Variants in LRRC27 observed in about 807,000 individuals in gnomAD.
LRRC27 encodes the protein leucine rich repeat containing 27, also known as leucine-rich repeat-containing protein 27.
In LRRC27, 57 loss-of-function variants were observed where a neutral mutation model predicts 55.0. The observed-to-expected ratio is 1.04, with a 90% CI of 0.84 to 1.29. The LOEUF (loss-of-function observed/expected upper bound fraction) is 1.29. Among genes scored for constraint, LRRC27 ranks in the 50% most tolerant of loss-of-function variants. The probability of loss-of-function intolerance (pLI) is 0.00; values close to 1 mark genes in which losing one functional copy is unlikely to be tolerated. For synonymous variants in LRRC27, 278 were observed against 251.9 expected (o/e 1.10, Z -0.98); for missense variants, 721 against 651.5 (o/e 1.11, Z -1.16).
At chr10:132,337,846 C>A in intron 3 of LRRC27, 151 bp downstream of exon 3, 1 of 832,196 alleles carries the variant, frequency 1.2e-6, no homozygotes, top group Non-Finnish European at 1.8e-6. Flanking sequence ...GAGGTTGCGA[C>A]GGCTGAATGT....
At chr10:132,356,044 G>GGTGTGGGTGGGTGCTCAC (rs2068296823) in intron 8 of LRRC27, among the ~76,000 whole-genome samples, 158 bp downstream of exon 8, 9 of 152,252 alleles carry the variant, frequency 5.9e-5, no homozygotes, top group Non-Finnish European at 7.4e-5. Flanking sequence ...GAGACTTGGG[G>GGTGTGGGTGGGTGCTCAC]AGGAAGCTGC....
At position 132,374,891 on chromosome 10, in the gene LRRC27, C is replaced by T. The variant is rs371928980; in HGVS notation, c.1417-175C>T. On this transcript the variant is annotated intron_variant, in intron 10 of 10. Transcript: ENST00000368614. The surrounding 1 kb of genome is among the most constrained non-coding windows in gnomAD (Gnocchi z 4.4). ...GCCGGCTGGAAGTAGGCTGCTGGGCCCCATTGCAGGGGGGACCGCGCCGTG... is the reference window on the plus strand; with the variant it reads ...GCCGGCTGGAAGTAGGCTGCTGGGCTCCATTGCAGGGGGGACCGCGCCGTG... Among the ~76,000 whole-genome samples the T allele has an allele frequency of 4.6e-5, 7 of 152,184 alleles. No homozygotes were observed. Among genetic ancestry groups the T allele is most frequent in the African/African-American group, 1.7e-4 (7 of 41,444 alleles).
At chr10:132,368,681 C>T (rs369847847) in intron 10 of LRRC27, among the ~76,000 whole-genome samples, 1 of 152,080 alleles carries the variant, frequency 6.6e-6, no homozygotes, top group Non-Finnish European at 1.5e-5. Flanking sequence ...CTAAACGTAA[C>T]GTGTTACCGT....
intron 9 of LRRC27, 98 bp from the exon 10 acceptor site, chr10:132,365,326 G>C: frequency 1.3e-6 from 2 of 1,527,630 alleles, no homozygotes; most frequent in Non-Finnish European, 1.8e-6. Flanking sequence ...GTTTGGTCTG[G>C]GAAGAAAGGC....
At position 132,334,099 on chromosome 10, in the gene LRRC27, C is replaced by G. The variant is rs12255267; in HGVS notation, c.210+365C>G. On this transcript the variant is annotated intron_variant, in intron 2 of 10. Transcript: ENST00000368614. Reference sequence around the variant, plus strand: ...AGCAGTTAAAAACTTTGTTCTCACCCATGATTTTGCTCATGTTACACACTG... The same window carrying G: ...AGCAGTTAAAAACTTTGTTCTCACCGATGATTTTGCTCATGTTACACACTG... 9.4e-3 allele frequency among the ~76,000 whole-genome samples: 1,434 copies of G among 152,294 alleles called. 28 individuals carry two copies. The highest frequency in any genetic ancestry group is 0.032 in the African/African-American group (1,348 of 41,540).
chr10:132,371,230 C>T (rs1312332890), intron 10 of LRRC27, among the ~76,000 whole-genome samples: 1 of 152,196 alleles, frequency 6.6e-6, no homozygotes, highest in African/African-American at 2.4e-5. Flanking sequence ...GTCGGGAGCA[C>T]CCCCCCATGC....
chr10:132,360,676 G>A (rs1241584274), intron 8 of LRRC27, among the ~76,000 whole-genome samples: 3 of 152,226 alleles, frequency 2.0e-5, no homozygotes, highest in African/African-American at 7.2e-5. Flanking sequence ...CCCCGGCCTG[G>A]AAATACATTT....
At chr10:132,368,521 G>T (rs1455758192) in intron 10 of LRRC27, among the ~76,000 whole-genome samples, 1 of 152,184 alleles carries the variant, frequency 6.6e-6, no homozygotes, top group Admixed American at 6.5e-5. Context: ...AGTTAACTGA[G>T]TTAACTGATA....
At chr10:132,349,009 A>G (rs773079761) in intron 6 of LRRC27, 25 of 1,611,526 alleles carry the variant, frequency 1.6e-5, no homozygotes, top group Non-Finnish European at 2.0e-5. Flanking sequence ...ACATGAGAGA[A>G]AAACTCGAAT....
At position 132,380,353 on chromosome 10, in the gene LRRC27, A is replaced by G. The variant is rs1289815956; in HGVS notation, c.*5111A>G. On this transcript the variant is annotated 3_prime_UTR_variant, in exon 11 of 11. Coordinates refer to ENST00000368614, the MANE Select transcript of LRRC27 (RefSeq NM_030626.3). ...CTGCATGAAATTAACTGCAGTCCAC[A>G]GTGTGCTGCTGGAATAATTACAAAG... is the stretch of plus-strand genomic sequence containing the variant. Among the ~76,000 whole-genome samples the G allele has an allele frequency of 1.3e-5, 2 of 152,002 alleles. No homozygotes were observed. The highest frequency in any genetic ancestry group is 4.8e-5 in the African/African-American group (2 of 41,358).
At chr10:132,373,080 GTC>G (rs928977130) in intron 10 of LRRC27, among the ~76,000 whole-genome samples, 4 of 152,206 alleles carry the variant, frequency 2.6e-5, no homozygotes, top group Admixed American at 2.6e-4. Context: ...GAATAGACAA[GTC>G]TGCTGCCATG....
intron 6 of LRRC27, chr10:132,350,385 G>A (rs918127372): frequency 6.6e-6 from 1 of 152,242 alleles, no homozygotes; most frequent in Non-Finnish European, 1.5e-5. Flanking sequence ...ACCACAAGGG[G>A]AAGCCTGGTG....
rs1186530993 is a variant in LRRC27 at position 132,352,720 on chromosome 10, G to A, written c.1073+967G>A. Among the ~76,000 whole-genome samples the A allele has an allele frequency of 3.3e-5, 5 of 151,616 alleles. No individual in the cohort carries two copies. The South Asian group carries it at 8.3e-4, about 25-fold the overall frequency. On this transcript the variant is annotated intron_variant, in intron 7 of 10. Transcript: ENST00000368614. ...GTGCAGCGCTCGTGGTCTGCAGGGC[G>A]TTGCGTGCATGGGCTCCCTTGTTTG... is the stretch of plus-strand genomic sequence containing the variant.
chr10:132,360,296 A>G (rs1217160579), intron 8 of LRRC27, among the ~76,000 whole-genome samples: 1 of 152,188 alleles, frequency 6.6e-6, no homozygotes, highest in Non-Finnish European at 1.5e-5. Flanking sequence ...AGGTTTCGCC[A>G]TGTTGGCCAG....
rs573054353 is a variant in LRRC27 at position 132,340,823 on chromosome 10, A to T, written c.342-1390A>T. Among the ~76,000 whole-genome samples, 35 of 150,728 alleles carry T rather than the reference A, an allele frequency of 2.3e-4. No individual in the cohort carries two copies. The South Asian group carries it at 4.6e-3, about 20-fold the overall frequency. On this transcript the variant is annotated intron_variant, in intron 3 of 10. Transcript: ENST00000368614. ...TACTAAAAAAAAAAAGTACAAAAAA[A>T]TTAGCCAAGATCACACCACTGCACT...
chr10:132,343,846 C>A (rs1226750800), intron 4 of LRRC27, among the ~76,000 whole-genome samples: 1 of 152,242 alleles, frequency 6.6e-6, no homozygotes, highest in Non-Finnish European at 1.5e-5. Flanking sequence ...GCTCCTCATT[C>A]CGGGGACTTC....
chr10:132,338,983 G>A (rs2067261577), intron 3 of LRRC27, among the ~76,000 whole-genome samples: 3 of 152,142 alleles, frequency 2.0e-5, no homozygotes, highest in Admixed American at 1.3e-4. Flanking sequence ...GTGCTGGGAT[G>A]ACAGGCATGA....
intron 9 of LRRC27, 44 bp from the exon 10 acceptor site, chr10:132,365,380 G>A: frequency 1.9e-6 from 3 of 1,608,856 alleles, no homozygotes; most frequent in African/African-American, 2.7e-5. Context: ...TAGGATGAGA[G>A]TAAATGTGTC....
In LRRC27 at chr10:132,364,574, CACCCT is replaced by C. The variant is rs1354019869; in HGVS notation, c.1290-849_1290-845del. The stretch of plus-strand genomic sequence containing the variant: ...ACACCCACACTTACACCCACGTCCA[CACCCT>C]GGGGCCCCACACTCAGGCAGTCCGC... On this transcript the variant is annotated intron_variant, in intron 9 of 10. Coordinates refer to ENST00000368614, the MANE Select transcript of LRRC27 (RefSeq NM_030626.3). 5.0e-5 allele frequency among the ~76,000 whole-genome samples: 6 copies of C among 119,336 alleles called. 1 individual carries two copies. Among genetic ancestry groups the C allele is most frequent in the Non-Finnish European group, 1.1e-4 (6 of 56,928 alleles). The allele number at this position is 119,336 out of a possible 152,430, so 78.3% of individuals were successfully genotyped here.
Sources: allele counts gnomAD v4.1 joint callset (sites outside exome capture counted in the v4.1 genomes callset), GRCh38; gene constraint gnomAD v4.1.1; non-coding constraint Gnocchi (gnomAD v3.1); transcripts MANE v1.5; gene names NCBI Gene and HGNC (gene_info 2026-07-23, HGNC 2026-07-21).